The following CABCOCO1 variants were observed in gnomAD, a reference collection of about 807,000 sequenced individuals.
CABCOCO1 encodes ciliary-associated calcium-binding coiled-coil protein 1.
Under a neutral mutation model 35.7 loss-of-function variants are expected in CABCOCO1, and 28 were observed. The ratio of observed to expected loss-of-function variants is 0.78; its 90% CI spans 0.58 to 1.07. CABCOCO1 has a LOEUF of 1.07. CABCOCO1 is among the 50% of genes least tolerant of loss of function. CABCOCO1 has a pLI of 0.00. For missense variants in CABCOCO1, 326 were observed against 309.2 expected (o/e 1.05, Z -0.41); for synonymous variants, 95 against 100.1 (o/e 0.95, Z 0.30).
At chr10:61,669,699 T>G (rs1415683097) in intron 1 of CABCOCO1, among the ~76,000 whole-genome samples, 2 of 152,080 alleles carry the variant, frequency 1.3e-5, no homozygotes, top group South Asian at 2.1e-4. Context: ...AGAATGAGGC[T>G]CTAATATTAG....
intron 5 of CABCOCO1, among the ~76,000 whole-genome samples, chr10:61,715,914 C>A (rs1364560795): frequency 6.6e-6 from 1 of 152,130 alleles, no homozygotes; most frequent in Non-Finnish European, 1.5e-5. Flanking sequence ...TTGTGGGTAA[C>A]TCAACCTTTC....
intron 5 of CABCOCO1, among the ~76,000 whole-genome samples, chr10:61,735,934 C>A (rs1841406337): frequency 6.6e-6 from 1 of 152,022 alleles, no homozygotes; most frequent in African/African-American, 2.4e-5. Flanking sequence ...TTTTCACATG[C>A]TTGTTGGCCG....
chr10:61,686,491 C>A (rs959775671), intron 4 of CABCOCO1, among the ~76,000 whole-genome samples: 5 of 151,956 alleles, frequency 3.3e-5, no homozygotes, highest in Non-Finnish European at 7.4e-5. Flanking sequence ...TTTTTCTTTG[C>A]ATCTTTAATT....
chr10:61,728,255 T>C (rs997748074), intron 5 of CABCOCO1, among the ~76,000 whole-genome samples: 1 of 152,228 alleles, frequency 6.6e-6, no homozygotes, highest in Non-Finnish European at 1.5e-5. Context: ...CCCTTAAATA[T>C]ATAAAGTTAG....
chr10:61,739,589 T>G (rs1188278028), intron 5 of CABCOCO1, among the ~76,000 whole-genome samples: 1 of 151,942 alleles, frequency 6.6e-6, no homozygotes, highest in Non-Finnish European at 1.5e-5. Context: ...ATTGGAAAAT[T>G]AGGAAATTGC....
intron 2 of CABCOCO1, among the ~76,000 whole-genome samples, chr10:61,677,071 T>TAATAATAATAAA (rs1564530781): frequency 6.7e-6 from 1 of 149,890 alleles, no homozygotes; most frequent in South Asian, 2.1e-4. Flanking sequence ...TCTCAAAAAA[T>TAATAATAATAAA]AATAATAATA....
intron 7 of CABCOCO1, among the ~76,000 whole-genome samples, chr10:61,761,750 CAGG>C (rs1842013927): frequency 6.6e-6 from 1 of 152,074 alleles, no homozygotes; most frequent in Admixed American, 6.6e-5. Context: ...TAATGCATCT[CAGG>C]AGAAGATTTA....
intron 5 of CABCOCO1, among the ~76,000 whole-genome samples, chr10:61,735,369 G>A (rs1193771134): frequency 6.6e-6 from 1 of 152,120 alleles, no homozygotes; most frequent in East Asian, 1.9e-4. Flanking sequence ...TCATTGAGGT[G>A]AAATCAACTA....
intron 4 of CABCOCO1, 151 bp from the exon 5 acceptor site, chr10:61,690,398 C>A (rs1840100129): frequency 1.9e-6 from 1 of 519,272 alleles, no homozygotes; most frequent in Non-Finnish European, 3.4e-6. Flanking sequence ...CCGACAATTT[C>A]TTTTGGAATA....
At chr10:61,692,725 A>G (rs1840184291) in intron 5 of CABCOCO1, among the ~76,000 whole-genome samples, 1 of 152,168 alleles carries the variant, frequency 6.6e-6, no homozygotes, top group African/African-American at 2.4e-5. Context: ...CCAGAAAACA[A>G]GGAACCCTTT....
At chr10:61,681,782 C>T (rs1409354114) in intron 3 of CABCOCO1, among the ~76,000 whole-genome samples, 1 of 151,990 alleles carries the variant, frequency 6.6e-6, no homozygotes, top group African/African-American at 2.4e-5. Flanking sequence ...GAACTACATG[C>T]TTTTATTTAT....
chr10:61,737,853 G>T (rs1356883872), intron 5 of CABCOCO1, among the ~76,000 whole-genome samples: 2 of 151,926 alleles, frequency 1.3e-5, no homozygotes, highest in Non-Finnish European at 2.9e-5. Flanking sequence ...TAACTATTGG[G>T]TACTGAGTTA....
intron 1 of CABCOCO1, among the ~76,000 whole-genome samples, chr10:61,668,019 G>A (rs113917351): frequency 1.8e-4 from 28 of 151,732 alleles, no homozygotes; most frequent in African/African-American, 5.8e-4. Context: ...AGTCTTTTTC[G>A]TGTTTAGCAT....
intron 2 of CABCOCO1, among the ~76,000 whole-genome samples, chr10:61,672,939 A>C (rs965126611): frequency 6.6e-6 from 1 of 152,230 alleles, no homozygotes; most frequent in Non-Finnish European, 1.5e-5. Context: ...AAGAAAATAC[A>C]TTGCAAACCA....
chr10:61,675,775 C>G (rs750837525), intron 2 of CABCOCO1, among the ~76,000 whole-genome samples: 1 of 151,470 alleles, frequency 6.6e-6, no homozygotes, highest in Non-Finnish European at 1.5e-5. Flanking sequence ...GCTTTTAGAA[C>G]TAAGGCAAGA....
intron 5 of CABCOCO1, among the ~76,000 whole-genome samples, chr10:61,741,418 T>G (rs1450209407): frequency 6.6e-6 from 1 of 152,172 alleles, no homozygotes; most frequent in African/African-American, 2.4e-5. Flanking sequence ...ACTTGGTGAA[T>G]GAGTGCCACC....
At chr10:61,722,078 T>C (rs1841037191) in intron 5 of CABCOCO1, among the ~76,000 whole-genome samples, 1 of 152,168 alleles carries the variant, frequency 6.6e-6, no homozygotes, top group South Asian at 2.1e-4. Flanking sequence ...AGTCTCTTTG[T>C]CTACTTGTTT....
intron 5 of CABCOCO1, among the ~76,000 whole-genome samples, chr10:61,742,924 AT>A (rs1841580479): frequency 6.6e-6 from 1 of 152,184 alleles, no homozygotes; most frequent in South Asian, 2.1e-4. Context: ...GTGAGCAAAA[AT>A]AGAATGAATT....
intron 3 of CABCOCO1, among the ~76,000 whole-genome samples, chr10:61,681,539 A>C (rs1377906549): frequency 6.6e-6 from 1 of 152,092 alleles, no homozygotes; most frequent in East Asian, 1.9e-4. Flanking sequence ...AATATATGTT[A>C]ATTTCATTTT....
Sources: gnomAD v4.1 joint callset for allele counts (sites outside exome capture counted in the v4.1 genomes callset) on GRCh38, gnomAD v4.1.1 for gene constraint, MANE v1.5 for transcripts, NCBI Gene and HGNC (gene_info 2026-07-23, HGNC 2026-07-21) for gene names.